PURG: variants seen among roughly 807,000 people sequenced by gnomAD.
PURG encodes the protein purine rich element binding protein G.
PURG carries 3 observed loss-of-function variants against 24.3 expected under a neutral mutation model. That is an observed-to-expected ratio of 0.12 (90% CI 0.06 to 0.32). The LOEUF (loss-of-function observed/expected upper bound fraction) is 0.32. PURG is among the 10% of genes least tolerant of loss of function. PURG has a pLI of 1.00. For missense variants in PURG, 371 were observed against 439.1 expected, an observed-to-expected ratio of 0.84 and a Z score of 1.39; for synonymous variants, 180 against 173.1, an observed-to-expected ratio of 1.04 and a Z score of -0.31.
At chr8:31,023,618 T>G (rs1010613966) in intron 1 of PURG, among the ~76,000 whole-genome samples, 2 of 152,034 alleles carry the variant, frequency 1.3e-5, no homozygotes, top group East Asian at 1.9e-4. Flanking sequence ...GTGTGCTGCT[T>G]CTTCTCTTTT....
chr8:31,013,464 G>A (rs535569296), intron 1 of PURG, among the ~76,000 whole-genome samples: 11 of 152,170 alleles, frequency 7.2e-5, no homozygotes, highest in Non-Finnish European at 8.8e-5. Flanking sequence ...CTGGCCGGGC[G>A]CGGCGGCTCA....
downstream of PURG, among the ~76,000 whole-genome samples, chr8:31,028,780 C>T (rs1811135719): frequency 6.6e-6 from 1 of 151,816 alleles, no homozygotes; most frequent in Admixed American, 6.6e-5. Flanking sequence ...TCAAGAGGAA[C>T]CCGTTTCCAA....
chr8:31,015,352 A>AACAC (rs1158908272), intron 1 of PURG, among the ~76,000 whole-genome samples: 3 of 152,176 alleles, frequency 2.0e-5, no homozygotes, highest in African/African-American at 7.2e-5. Context: ...ATTGAAAACA[A>AACAC]ACACACAAAC....
At chr8:31,023,679 A>G (rs1338431495) in intron 1 of PURG, among the ~76,000 whole-genome samples, 1 of 152,144 alleles carries the variant, frequency 6.6e-6, no homozygotes, top group African/African-American at 2.4e-5. Context: ...CCCCCAAACC[A>G]TTAGATGTTT....
At chr8:31,006,621 A>C (rs1446803697) in intron 1 of PURG, among the ~76,000 whole-genome samples, 1 of 152,226 alleles carries the variant, frequency 6.6e-6, no homozygotes, top group African/African-American at 2.4e-5. Flanking sequence ...AACACACCAA[A>C]GGCTTTTGCT....
chr8:31,002,997 T>C (rs984147643), intron 1 of PURG, among the ~76,000 whole-genome samples: 8 of 152,370 alleles, frequency 5.3e-5, no homozygotes, highest in South Asian at 4.1e-4. Context: ...CTTGAGAAGA[T>C]ATATCCTTGA....
chr8:30,996,219 G>A, exon 2 of PURG: 1 of 163,306 alleles, frequency 6.1e-6, no homozygotes, highest in Non-Finnish European at 1.3e-5. Context: ...CTGGTAAGAG[G>A]CAGTGGGTTG....
Position 31,031,805 on chromosome 8 carries a change from G to A in PURG, c.978C>T (p.Asn326=). Residue 326 remains asparagine, a synonymous_variant, in exon 2 of 2, where the codon AAC becomes AAT. Coordinates refer to ENST00000523392, the MANE Select transcript of PURG (RefSeq NM_001323311.2). ...CATCCATTCTCTTTTCTTTATGGCT[G>A]TTGCAAATTTTCCTCATCTCTTCTT... ...KYEEEMRKIC[N]SHKEKRMDGR... The A allele has an allele frequency of 6.4e-7, 1 of 1,557,710 alleles. No individual in the cohort carries two copies. Among genetic ancestry groups the A allele is most frequent in the Non-Finnish European group, 8.7e-7 (1 of 1,150,036 alleles).
At chr8:30,998,884 G>A (rs954851563) in intron 1 of PURG, among the ~76,000 whole-genome samples, 1 of 151,596 alleles carries the variant, frequency 6.6e-6, no homozygotes, top group Non-Finnish European at 1.5e-5. Flanking sequence ...GAAAACCTAA[G>A]GTAAATTTTT....
chr8:30,998,866 A>G (rs1810481142), intron 1 of PURG, among the ~76,000 whole-genome samples: 2 of 151,856 alleles, frequency 1.3e-5, no homozygotes, highest in Non-Finnish European at 3.0e-5. Flanking sequence ...TAAACAAAAA[A>G]GGCCAGAGAA....
chr8:31,021,760 G>A (rs1175856946), intron 1 of PURG, among the ~76,000 whole-genome samples: 1 of 152,068 alleles, frequency 6.6e-6, no homozygotes, highest in Non-Finnish European at 1.5e-5. Context: ...ATAAACCTCT[G>A]GAAAATCATA....
chr8:31,012,137 G>C (rs1810775557), intron 1 of PURG, among the ~76,000 whole-genome samples: 1 of 152,090 alleles, frequency 6.6e-6, no homozygotes, highest in African/African-American at 2.4e-5. Context: ...GGTGGAGAGG[G>C]GAATACAAAA....
downstream of PURG, among the ~76,000 whole-genome samples, chr8:31,028,208 C>T (rs1811125436): frequency 6.6e-6 from 1 of 151,764 alleles, no homozygotes; most frequent in African/African-American, 2.4e-5. Flanking sequence ...GTTCTTAAGA[C>T]ATCAAATGTG....
At position 31,031,208 on chromosome 8, in the gene PURG, C is replaced by A. The variant is rs1218826396; in HGVS notation, c.*531G>T. 1 of 152,826 alleles carries A rather than the reference C, an allele frequency of 6.5e-6. No individual in the cohort carries two copies. The highest frequency in any genetic ancestry group is 1.5e-5 in the Non-Finnish European group (1 of 68,308). The allele number at this position is 152,826 out of a possible 1,614,324, so 9.5% of individuals were successfully genotyped here. A position where few individuals can be genotyped will look rare whatever the true frequency, so the allele number is the denominator to read the frequency against. ...GTTTAATTAGGTAATAAGATTTGAT[C>A]CTTTGATGGTATATTCAGTTATTCA... On this transcript the variant is annotated 3_prime_UTR_variant, in exon 2 of 2. Transcript: ENST00000523392.
At chr8:31,016,727 C>G (rs1810879409) in intron 1 of PURG, among the ~76,000 whole-genome samples, 1 of 151,518 alleles carries the variant, frequency 6.6e-6, no homozygotes, top group Non-Finnish European at 1.5e-5. Flanking sequence ...TTGAACCAAT[C>G]AAATCAGAAT....
chr8:31,004,506 G>A (rs895146209), intron 1 of PURG, among the ~76,000 whole-genome samples: 1 of 152,108 alleles, frequency 6.6e-6, no homozygotes, highest in Admixed American at 6.6e-5. Flanking sequence ...GACCAGCCTG[G>A]CTAACATGGT....
intron 1 of PURG, among the ~76,000 whole-genome samples, chr8:31,019,626 C>G (rs978528907): frequency 6.6e-6 from 1 of 151,178 alleles, no homozygotes; most frequent in African/African-American, 2.4e-5. Flanking sequence ...AGCTACCATG[C>G]CCAGCCAATA....
At chr8:31,016,418 A>C (rs1191131877) in intron 1 of PURG, among the ~76,000 whole-genome samples, 2 of 151,318 alleles carry the variant, frequency 1.3e-5, no homozygotes, top group African/African-American at 4.9e-5. Flanking sequence ...ATACATAGAT[A>C]GATAAATAAA....
rs202052368 is a variant in PURG, at chr8:31,032,328, T to G, written c.455A>C (p.His152Pro). Residue 152 changes from histidine (H) to proline (P), a missense_variant, in exon 2 of 2, where the codon CAC becomes CCC. Physicochemically the swap from His to Pro is moderately conservative, Grantham distance 77. Around this residue, in one of 5 missense-constraint regions of PURG, gnomAD observed 213 missense variants for 230.6 expected, o/e 0.92. Coordinates refer to ENST00000523392, the MANE Select transcript of PURG (RefSeq NM_001323311.2). This position sits in a 1 kb window ranked among gnomAD's most constrained non-coding sequence, Gnocchi z 5.9. ...CGAGACTGGTGGGGAGGGTGCCGAG[T>G]GCTTCTGCCTCCTTCTGGAGCCTTG... is the stretch of plus-strand genomic sequence containing the variant. ...KEQGSRRRQK[H>P]SAPSPPVSVG... 2 of 1,612,226 alleles carry G rather than the reference T, an allele frequency of 1.2e-6. No homozygotes were observed. The highest frequency in any genetic ancestry group is 1.7e-6 in the Non-Finnish European group (2 of 1,179,916).
Sources: allele counts gnomAD v4.1 joint callset (sites outside exome capture counted in the v4.1 genomes callset), GRCh38; gene constraint gnomAD v4.1.1; regional missense constraint gnomAD v4.1.1; non-coding constraint Gnocchi (gnomAD v3.1); transcripts MANE v1.5; gene names NCBI Gene and HGNC (gene_info 2026-07-23, HGNC 2026-07-21).